ROBO1: variants seen among roughly 807,000 people sequenced by gnomAD.
ROBO1 encodes the protein roundabout guidance receptor 1.
A neutral mutation model predicts 195.9 loss-of-function variants in ROBO1; 149 were observed. The ratio of observed to expected loss-of-function variants is 0.76; its 90% CI spans 0.67 to 0.87. ROBO1 has a LOEUF of 0.87. Ranked by LOEUF, ROBO1 falls within the 40% of genes least tolerant of loss-of-function variation. ROBO1 has a pLI of 0.00. For synonymous variants in ROBO1, 816 were observed against 733.2 expected (o/e 1.11, Z -1.82); for missense variants, 1,933 against 2,068.3 (o/e 0.93, Z 1.27).
At chr3:79,345,240 G>T (rs376251592) in intron 2 of ROBO1, among the ~76,000 whole-genome samples, 2 of 152,084 alleles carry the variant, frequency 1.3e-5, no homozygotes, top group Non-Finnish European at 2.9e-5. Context: ...CTTTGGATTT[G>T]GACAGATTGG....
chr3:78,961,444 G>A (rs945521445), intron 3 of ROBO1, among the ~76,000 whole-genome samples: 1 of 152,108 alleles, frequency 6.6e-6, no homozygotes, highest in Non-Finnish European at 1.5e-5. Context: ...CATCTCAAAA[G>A]CACACAGGTA....
At chr3:79,609,056 G>A (rs1322489754) in intron 1 of ROBO1, among the ~76,000 whole-genome samples, 2 of 151,836 alleles carry the variant, frequency 1.3e-5, no homozygotes, top group Non-Finnish European at 2.9e-5. Flanking sequence ...TAAGGACACA[G>A]CAAGTAGGTC....
intron 2 of ROBO1, among the ~76,000 whole-genome samples, chr3:79,576,478 A>G (rs1576055348): frequency 1.3e-5 from 2 of 152,074 alleles, no homozygotes; most frequent in African/African-American, 2.4e-5. Context: ...GATACTTTAC[A>G]ATCTTTATTT....
chr3:78,961,752 A>C (rs2041357866), intron 3 of ROBO1, among the ~76,000 whole-genome samples: 1 of 152,196 alleles, frequency 6.6e-6, no homozygotes, highest in African/African-American at 2.4e-5. Context: ...CAATGGTGTA[A>C]GAATTCACCT....
chr3:78,611,399 A>AT (rs1205864829), intron 28 of ROBO1, among the ~76,000 whole-genome samples: 1 of 152,212 alleles, frequency 6.6e-6, no homozygotes, highest in African/African-American at 2.4e-5. Flanking sequence ...GGTCCTAGAA[A>AT]TGCACTTATT....
intron 4 of ROBO1, among the ~76,000 whole-genome samples, chr3:78,780,542 C>T (rs540996641): frequency 2.6e-5 from 4 of 152,054 alleles, no homozygotes; most frequent in Admixed American, 1.3e-4. Flanking sequence ...TCTTATTGTA[C>T]GCCTTCCTCT....
chr3:79,298,336 A>ATT (rs11438222), intron 2 of ROBO1, among the ~76,000 whole-genome samples: 45 of 151,020 alleles, frequency 3.0e-4, no homozygotes, highest in East Asian at 2.5e-3. Flanking sequence ...TCTTTACTGC[A>ATT]TTTTTTTTTC....
intron 2 of ROBO1, among the ~76,000 whole-genome samples, chr3:79,381,455 GCTGA>G (rs2036575027): frequency 1.3e-5 from 2 of 149,472 alleles, no homozygotes; most frequent in African/African-American, 2.5e-5. Flanking sequence ...TGCAAAAATA[GCTGA>G]CTAATATGAA....
chr3:78,888,042 G>A (rs938049314), intron 4 of ROBO1, among the ~76,000 whole-genome samples: 1 of 152,158 alleles, frequency 6.6e-6, no homozygotes, highest in African/African-American at 2.4e-5. Context: ...AAACTGCATT[G>A]CACAAATGCA....
chr3:79,372,061 C>G (rs1255228593), intron 2 of ROBO1, among the ~76,000 whole-genome samples: 1 of 152,126 alleles, frequency 6.6e-6, no homozygotes, highest in East Asian at 1.9e-4. Context: ...CGCAGCTGAT[C>G]TGACAGGAGG....
chr3:79,199,012 C>T (rs1362184283), intron 2 of ROBO1, among the ~76,000 whole-genome samples: 2 of 151,954 alleles, frequency 1.3e-5, no homozygotes, highest in Non-Finnish European at 1.5e-5. Context: ...TAATTGAATA[C>T]CCTTTATTTA....
At chr3:78,671,260 C>T (rs1708050454) in intron 10 of ROBO1, among the ~76,000 whole-genome samples, 1 of 150,702 alleles carries the variant, frequency 6.6e-6, no homozygotes, top group South Asian at 2.1e-4. Context: ...AGAGGTGTTC[C>T]CATCCCCTGA....
intron 2 of ROBO1, among the ~76,000 whole-genome samples, chr3:79,460,392 A>G (rs961371991): frequency 6.6e-6 from 1 of 152,208 alleles, no homozygotes; most frequent in Non-Finnish European, 1.5e-5. Flanking sequence ...AAAGCTTTTC[A>G]TAAGTTGAAT....
At chr3:79,138,821 T>C (rs2080466193) in intron 2 of ROBO1, among the ~76,000 whole-genome samples, 2 of 151,944 alleles carry the variant, frequency 1.3e-5, no homozygotes, top group African/African-American at 4.8e-5. Flanking sequence ...CTGATATAGA[T>C]ATATAGATAT....
At chr3:79,372,249 A>G (rs1398063079) in intron 2 of ROBO1, among the ~76,000 whole-genome samples, 1 of 143,774 alleles carries the variant, frequency 7.0e-6, no homozygotes. Flanking sequence ...GCTTTGTTGT[A>G]AGGCTGGAGT....
rs571001447 is a variant in ROBO1, at chr3:78,780,477, A to G, written c.500-33577T>C. The stretch of plus-strand genomic sequence containing the variant: ...CTAGATTTTTTTTTTCATTCCATAT[A>G]CATGCATGCCCTTATCTCTCCTGTC... On this transcript the variant is annotated intron_variant, in intron 4 of 30. Transcript: ENST00000464233. 9.8e-4 allele frequency among the ~76,000 whole-genome samples: 149 copies of G among 152,048 alleles called. 1 individual carries two copies. The South Asian group carries it at 0.016, about 16-fold the overall frequency.
intron 3 of ROBO1, among the ~76,000 whole-genome samples, chr3:78,975,662 G>T (rs915184791): frequency 1.3e-5 from 2 of 152,140 alleles, no homozygotes; most frequent in African/African-American, 4.8e-5. Context: ...TCTTTTCAAA[G>T]CTAAAGTTTT....
intron 2 of ROBO1, among the ~76,000 whole-genome samples, chr3:79,180,015 C>A (rs1218440280): frequency 6.6e-6 from 1 of 151,970 alleles, no homozygotes; most frequent in Non-Finnish European, 1.5e-5. Context: ...TTAACTTGTC[C>A]CCTTTCTTTT....
intron 1 of ROBO1, among the ~76,000 whole-genome samples, chr3:79,639,884 C>A (rs142877570): frequency 6.6e-6 from 1 of 152,140 alleles, no homozygotes; most frequent in East Asian, 1.9e-4. Flanking sequence ...GCATTGTCAC[C>A]CATAGTTTCA....
Sources: allele counts gnomAD v4.1 joint callset (sites outside exome capture counted in the v4.1 genomes callset), GRCh38; gene constraint gnomAD v4.1.1; transcripts MANE v1.5; gene names NCBI Gene and HGNC (gene_info 2026-07-23, HGNC 2026-07-21).